The following DEF8 variants were observed in gnomAD, a reference collection of about 807,000 sequenced individuals.
DEF8 encodes the protein DEF-8.
DEF8 carries 38 observed loss-of-function variants against 59.1 expected under a neutral mutation model. That is an observed-to-expected ratio of 0.64 (90% CI 0.50 to 0.84). The LOEUF (loss-of-function observed/expected upper bound fraction) is 0.84, where lower values mean the gene tolerates loss of function less well. Among genes scored for constraint, DEF8 ranks in the 40% least tolerant of loss-of-function variants. DEF8 has a pLI of 0.00. For missense variants in DEF8, 557 were observed against 615.2 expected (o/e 0.91, Z 1.00); for synonymous variants, 265 against 250.1 (o/e 1.06, Z -0.56).
rs117204628 is a variant in DEF8, at chr16:89,966,047, C to T, written c.*84C>T. The T allele has an allele frequency of 0.022, 24,532 of 1,124,520 alleles. 362 individuals are homozygous for T. Among genetic ancestry groups the T allele is most frequent in the Non-Finnish European group, 0.028 (21,407 of 773,718 alleles). The allele number at this position is 1,124,520 out of a possible 1,614,324, so 69.7% of individuals were successfully genotyped here. The stretch of plus-strand genomic sequence containing the variant: ...CAAGTTGTTCCTTCTGCTCCGGAGA[C>T]CCCTGGGGTGCGGCCCTGGCCCCCT... On this transcript the variant is annotated 3_prime_UTR_variant, in exon 13 of 13. Coordinates refer to ENST00000563594, the MANE Select transcript of DEF8 (RefSeq NM_001242818.2).
rs894976969 is a variant in DEF8, at chr16:89,957,489, C to A, written c.223-22C>A. On this transcript the variant is annotated intron_variant, in intron 4 of 12. Coordinates refer to ENST00000563594, the MANE Select transcript of DEF8 (RefSeq NM_001242818.2). Reference sequence around the variant, plus strand: ...CTCCTGCAGGATGGGCCTTTGACTGCCCCCGCCCCCAACCTGGGCAGGGTC... The same window carrying A: ...CTCCTGCAGGATGGGCCTTTGACTGACCCCGCCCCCAACCTGGGCAGGGTC... 6 of 1,563,372 alleles carry A rather than the reference C, an allele frequency of 3.8e-6. No individual in the cohort carries two copies. In the African/African-American group the frequency reaches 8.1e-5, roughly 21 times the overall value.
intron 4 of DEF8, 66 bp downstream of exon 4, chr16:89,955,332 T>C (rs1224570874): frequency 7.3e-7 from 1 of 1,377,292 alleles, no homozygotes. Context: ...GGGCCAGGGT[T>C]TCCTTGTCAC....
chr16:89,962,003 G>T lies in DEF8; in HGVS notation c.808-9G>T. 1 of 1,613,746 alleles carries T rather than the reference G, an allele frequency of 6.2e-7. No individual in the cohort carries two copies. Among genetic ancestry groups the T allele is most frequent in the Non-Finnish European group, 8.5e-7 (1 of 1,179,900 alleles). ...GGTGTGAGAGGTGTCACCCGGCCGTGCCTGGCAGGTTTCTCGCTGCAGCAT... is the reference window on the plus strand; with the variant it reads ...GGTGTGAGAGGTGTCACCCGGCCGTTCCTGGCAGGTTTCTCGCTGCAGCAT... On this transcript the variant is annotated splice_polypyrimidine_tract_variant and intron_variant, in intron 8 of 12. Coordinates refer to ENST00000563594, the MANE Select transcript of DEF8 (RefSeq NM_001242818.2).
chr16:89,955,929 C>T (rs141106861), intron 4 of DEF8, among the ~76,000 whole-genome samples: 181 of 151,088 alleles, frequency 1.2e-3, no homozygotes, highest in Middle Eastern at 3.4e-3. Flanking sequence ...AAAAATCAGC[C>T]GGGCGTGGTG....
intron 12 of DEF8, 148 bp from the exon 13 acceptor site, chr16:89,965,713 A>G (rs1174536027): frequency 1.7e-6 from 1 of 580,110 alleles, no homozygotes; most frequent in African/African-American, 1.9e-5. Flanking sequence ...GCACACGGCC[A>G]TACAGTCACT....
intron 5 of DEF8, chr16:89,957,928 G>T (rs1266125276): frequency 6.7e-6 from 2 of 296,420 alleles, no homozygotes; most frequent in South Asian, 1.7e-4. Context: ...AAATGTATTT[G>T]CTTGGTGACT....
rs1277563627 is a variant in DEF8, at chr16:89,966,328, C to T, written c.*365C>T. On this transcript the variant is annotated 3_prime_UTR_variant, in exon 13 of 13. Transcript: ENST00000563594. ...CGGGCCCTAGAAATTCCACAGCTCC[C>T]GTCCTGGCCACCCTGGAAGCTCATC... 1.1e-5 allele frequency: 2 copies of T among 182,804 alleles called. No homozygotes were observed. Among genetic ancestry groups the T allele is most frequent in the East Asian group, 1.6e-4 (1 of 6,226 alleles). The allele number at this position is 182,804 out of a possible 1,614,324, so 11.3% of individuals were successfully genotyped here. A position where few individuals can be genotyped will look rare whatever the true frequency, so the allele number is the denominator to read the frequency against.
chr16:89,964,056 T>C, intron 10 of DEF8, 114 bp from the exon 11 acceptor site: 1 of 1,397,540 alleles, frequency 7.2e-7, no homozygotes, highest in Non-Finnish European at 1.0e-6. Context: ...CCCAGACCCT[T>C]GTGTAGCTCG....
intron 1 of DEF8, 137 bp downstream of exon 1, chr16:89,948,951 TGGGAGGGACGGGGC>T (rs2031297743): frequency 1.7e-4 from 3 of 17,476 alleles, no homozygotes; most frequent in Admixed American, 6.0e-4. Context: ...GGGACGGGGC[TGGGAGGGACGGGGC>T]CGGCGGGGAC....
Position 89,949,552 on chromosome 16 carries a change from G to T in DEF8, c.-11+39G>T. 6.2e-7 allele frequency: 1 copy of T among 1,613,344 alleles called. No homozygotes were observed. ...GGACGCTGTTGACTCCGCACACCGG[G>T]GTGACTTCTCAGGTTCTCGGGGTGG... is the stretch of plus-strand genomic sequence containing the variant. On this transcript the variant is annotated intron_variant, in intron 2 of 12. Transcript: ENST00000563594.
chr16:89,964,716 G>T, intron 12 of DEF8, 141 bp downstream of exon 12: 2 of 636,050 alleles, frequency 3.1e-6, no homozygotes, highest in Non-Finnish European at 5.5e-6. Flanking sequence ...AGACTCTTTG[G>T]GTCTTTGCTG....
rs77908930 is a variant in DEF8 at position 89,963,395 on chromosome 16, G to T, written c.954G>T (p.Pro318=). ...GCCAGGACATCCTGCTCATGAAGCCGTACTTCATCACCTGCAGGGAGGCCA... is the reference window on the plus strand; with the variant it reads ...GCCAGGACATCCTGCTCATGAAGCCTTACTTCATCACCTGCAGGGAGGCCA... ...KLRQDILLMK[P]YFITCREAME... Residue 318 remains proline (P), a synonymous_variant, in exon 10 of 13, where the codon CCG becomes CCT. Transcript: ENST00000563594. The T allele has an allele frequency of 5.0e-6, 8 of 1,613,604 alleles. No individual in the cohort carries two copies. The highest frequency in any genetic ancestry group is 6.8e-6 in the Non-Finnish European group (8 of 1,179,826).
In DEF8 at chr16:89,966,845, ACCTGAGGAGCTCTGT is replaced by A; in HGVS notation, c.*887_*901del. Reference sequence around the variant, plus strand: ...GGTGGCATTTCTTGGAACCAGATTTACCTGAGGAGCTCTGTCCTGCTCCCTGTGGAGGGCTCCAGA... The same window carrying A: ...GGTGGCATTTCTTGGAACCAGATTTACCTGCTCCCTGTGGAGGGCTCCAGA... On this transcript the variant is annotated 3_prime_UTR_variant, in exon 13 of 13. Coordinates refer to ENST00000563594, the MANE Select transcript of DEF8 (RefSeq NM_001242818.2). The A allele has an allele frequency of 6.5e-6, 1 of 155,034 alleles. No homozygotes were observed. The highest frequency in any genetic ancestry group is 2.4e-5 in the African/African-American group (1 of 41,642). 9.6% of individuals were successfully genotyped at this position (155,034 alleles called of 1,614,324 possible).
At chr16:89,964,836 C>T (rs2034471827) in intron 12 of DEF8, among the ~76,000 whole-genome samples, 2 of 152,244 alleles carry the variant, frequency 1.3e-5, no homozygotes, top group South Asian at 2.1e-4. Context: ...CCTCCCGGAC[C>T]AGCCCCTGAA....
At chr16:89,960,870 G>T (rs199601353) in intron 6 of DEF8, 61 bp from the exon 7 acceptor site, 4 of 1,566,852 alleles carry the variant, frequency 2.6e-6, no homozygotes, top group Non-Finnish European at 3.5e-6. Context: ...CCAGCTGAGG[G>T]TGGCCTGGGC....
Position 89,955,800 on chromosome 16 carries a change from C to T in DEF8, c.222+534C>T, listed in dbSNP as rs574431041. Among the ~76,000 whole-genome samples, 24 of 152,104 alleles carry T rather than the reference C, an allele frequency of 1.6e-4. No individual in the cohort carries two copies. In the South Asian group the frequency reaches 3.5e-3, roughly 22 times the overall value. Reference sequence around the variant, plus strand: ...TTTTAAAAAAGTTTGAGGCCGGGCGCGGTGGCTCACGCCTGTAATCCCAGC... The same window carrying T: ...TTTTAAAAAAGTTTGAGGCCGGGCGTGGTGGCTCACGCCTGTAATCCCAGC... On this transcript the variant is annotated intron_variant, in intron 4 of 12. Transcript: ENST00000563594.
At chr16:89,955,355 G>A (rs114002471) in intron 4 of DEF8, 89 bp downstream of exon 4, 1 of 1,112,382 alleles carries the variant, frequency 9.0e-7, no homozygotes, top group Non-Finnish European at 1.4e-6. Context: ...CCTCCCAGGT[G>A]GCAGGGCAGT....
intron 2 of DEF8, 82 bp downstream of exon 2, chr16:89,949,595 C>G: frequency 6.2e-7 from 1 of 1,613,164 alleles, no homozygotes; most frequent in Non-Finnish European, 8.5e-7. Context: ...AGTGATGACA[C>G]CGCTTCCTGG....
Position 89,962,113 on chromosome 16 carries a change from G to T in DEF8, c.909G>T (p.Leu303=), listed in dbSNP as rs1391180771. ...TGCTGTTCAGCTACGTGGAGGAGCT[G>T]GTGGAGATTCGCGTGAGGCTGGGGC... ...NPLLFSYVEE[L]VEIRKLRQDI... is the part of the protein sequence containing the mutation. Residue 303 remains leucine (L), a synonymous_variant, in exon 9 of 13, where the codon CTG becomes CTT. Transcript: ENST00000563594. 1 of 1,613,796 alleles carries T rather than the reference G, an allele frequency of 6.2e-7. No individual in the cohort carries two copies. Among genetic ancestry groups the T allele is most frequent in the African/African-American group, 1.3e-5 (1 of 74,922 alleles).
Sources: gnomAD v4.1 joint callset for allele counts (sites outside exome capture counted in the v4.1 genomes callset) on GRCh38, gnomAD v4.1.1 for gene constraint, MANE v1.5 for transcripts, NCBI Gene and HGNC (gene_info 2026-07-23, HGNC 2026-07-21) for gene names.